Variants in RPLP0 observed in about 807,000 individuals in gnomAD.
RPLP0 encodes large ribosomal subunit protein uL10.
For synonymous variants in RPLP0, 137 were observed against 153.4 expected, an observed-to-expected ratio of 0.89 and a Z score of 0.79; for missense variants, 276 against 402.9, an observed-to-expected ratio of 0.69 and a Z score of 2.70.
intron 7 of RPLP0, 30 bp downstream of exon 7, chr12:120,197,292 C>A (rs375131464): frequency 1.2e-6 from 2 of 1,603,022 alleles, no homozygotes; most frequent in Non-Finnish European, 1.7e-6. Flanking sequence ...CACAGTCAGG[C>A]CCACTGTGGT....
chr12:120,198,530 G>C lies in RPLP0; in HGVS notation c.651+24C>G, dbSNP rs1451917685. On this transcript the variant is annotated intron_variant, in intron 6 of 7. Transcript: ENST00000392514. The surrounding 1 kb of genome is among the most constrained non-coding windows in gnomAD (Gnocchi z 4.1). ...CATGCTCTCAACCATCAGTGTAAGA[G>C]GGGGCAAGGCTGACAGCATATACCT... 6.2e-6 allele frequency: 10 copies of C among 1,613,866 alleles called. No individual in the cohort carries two copies. Among genetic ancestry groups the C allele is most frequent in the African/African-American group, 1.3e-5 (1 of 75,028 alleles).
chr12:120,197,590 A>G, intron 6 of RPLP0, 128 bp from the exon 7 acceptor site: 2 of 1,045,250 alleles, frequency 1.9e-6, no homozygotes, highest in Non-Finnish European at 2.8e-6. Context: ...AAGAGAGGCC[A>G]TTTCATCTCA....
intron 6 of RPLP0, 78 bp from the exon 7 acceptor site, chr12:120,197,540 C>T: frequency 6.6e-7 from 1 of 1,521,344 alleles, no homozygotes; most frequent in South Asian, 1.2e-5. Context: ...TAAAGAGAAC[C>T]CTTAGCAGAC....
At position 120,199,768 on chromosome 12, in the gene RPLP0, A is replaced by G. The variant is rs182473787; in HGVS notation, c.55-283T>C. 1.2e-4 allele frequency: 48 copies of G among 399,008 alleles called. No homozygotes were observed. The Admixed American group carries it at 1.9e-3, about 15-fold the overall frequency. 24.7% of individuals were successfully genotyped at this position (399,008 alleles called of 1,614,324 possible). ...TTACCAGGCATGCTTCTGATTCACT[A>G]AAATGGTTAACAGGATAAAAAAGGA... On this transcript the variant is annotated intron_variant, in intron 2 of 7. Coordinates refer to ENST00000392514, the MANE Select transcript of RPLP0 (RefSeq NM_001002.4).
intron 2 of RPLP0, 64 bp downstream of exon 2, chr12:120,200,666 A>C: frequency 1.3e-6 from 2 of 1,554,140 alleles, no homozygotes; most frequent in Non-Finnish European, 1.8e-6. Flanking sequence ...AGCACATAGC[A>C]GCTGACTGTC....
intron 7 of RPLP0, 71 bp downstream of exon 7, chr12:120,197,251 G>A (rs1594297476): frequency 2.2e-6 from 3 of 1,369,126 alleles, no homozygotes; most frequent in Admixed American, 1.7e-5. Flanking sequence ...AAAGCAGTAA[G>A]GTAGAAGGCC....
At position 120,198,772 on chromosome 12, in the gene RPLP0, T is replaced by G. The variant is rs769718181; in HGVS notation, c.466-33A>C. 6.2e-7 allele frequency: 1 copy of G among 1,611,320 alleles called. No homozygotes were observed. Among genetic ancestry groups the G allele is most frequent in the Admixed American group, 1.7e-5 (1 of 60,022 alleles). On this transcript the variant is annotated intron_variant, in intron 5 of 7. Transcript: ENST00000392514. This position sits in a 1 kb window ranked among gnomAD's most constrained non-coding sequence, Gnocchi z 4.1. ...AGATAATAGTGGGGCAGTAAACACC[T>G]GTTGGACAACCAGCAGATCCATGGC...
In RPLP0 at chr12:120,196,710, G is replaced by T. The variant is rs1454201222; in HGVS notation, c.*63C>A. The stretch of plus-strand genomic sequence containing the variant: ...ATTAAGAGTCCAGAGACTTTTTAAA[G>T]AAGTAAGCCTTTATTTCCTTGTTTT... On this transcript the variant is annotated 3_prime_UTR_variant, in exon 8 of 8. Coordinates refer to ENST00000392514, the MANE Select transcript of RPLP0 (RefSeq NM_001002.4). 1 of 1,503,888 alleles carries T rather than the reference G, an allele frequency of 6.6e-7. No individual in the cohort carries two copies. Among genetic ancestry groups the T allele is most frequent in the African/African-American group, 1.4e-5 (1 of 70,542 alleles). 93.2% of individuals were successfully genotyped at this position (1,503,888 alleles called of 1,614,324 possible).
At chr12:120,199,585 T>C (rs1594299515) in intron 2 of RPLP0, 100 bp from the exon 3 acceptor site, 1 of 1,261,448 alleles carries the variant, frequency 7.9e-7, no homozygotes, top group East Asian at 2.5e-5. Flanking sequence ...TCCCACTCCC[T>C]TTCTTCTAAG....
chr12:120,199,479 A>G lies in RPLP0; in HGVS notation c.61T>C (p.Leu21=), dbSNP rs1879316716. The change falls in exon 3 of 8, where the codon TTG becomes CTG. Residue 21 remains leucine (L), a synonymous_variant. Coordinates refer to ENST00000392514, the MANE Select transcript of RPLP0 (RefSeq NM_001002.4). ...ATGAAACATTTCGGATAATCATCCA[A>G]TAGTTGCTACAAAAAACAAGCCAGA... ...SNYFLKIIQL[L]DDYPKCFIVG... 1.9e-6 allele frequency: 3 copies of G among 1,613,810 alleles called. No homozygotes were observed. Among genetic ancestry groups the G allele is most frequent in the African/African-American group, 2.7e-5 (2 of 75,044 alleles).
Position 120,199,489 on chromosome 12 carries a change from C to CA in RPLP0, c.55-5dup, listed in dbSNP as rs755535207. Reference sequence around the variant, plus strand: ...TCGGATAATCATCCAATAGTTGCTACAAAAAACAAGCCAGAGGAGCCAAGT... The same window carrying CA: ...TCGGATAATCATCCAATAGTTGCTACAAAAAAACAAGCCAGAGGAGCCAAGT... On this transcript the variant is annotated splice_polypyrimidine_tract_variant and splice_region_variant and intron_variant, in intron 2 of 7. Coordinates refer to ENST00000392514, the MANE Select transcript of RPLP0 (RefSeq NM_001002.4). 2 of 1,611,314 alleles carry CA rather than the reference C, an allele frequency of 1.2e-6. No homozygotes were observed. Among genetic ancestry groups the CA allele is most frequent in the African/African-American group, 1.3e-5 (1 of 74,590 alleles).
Position 120,198,893 on chromosome 12 carries a change from A to G in RPLP0, c.426T>C (p.Gly142=). 1.9e-6 allele frequency: 3 copies of G among 1,614,022 alleles called. No individual in the cohort carries two copies. The highest frequency in any genetic ancestry group is 2.5e-6 in the Non-Finnish European group (3 of 1,179,926). The change falls in exon 5 of 8, where the codon GGT becomes GGC. Residue 142 remains glycine, a synonymous_variant. Coordinates refer to ENST00000392514, the MANE Select transcript of RPLP0 (RefSeq NM_001002.4). This position sits in a 1 kb window ranked among gnomAD's most constrained non-coding sequence, Gnocchi z 4.1. ...PEKTSFFQAL[G]ITTKISRGTI... is the part of the protein sequence containing the mutation. ...TGCCCCTGGAGATTTTAGTGGTGAT[A>G]CCTAAAGCCTGGAAAAAGGAGGTCT...
rs547849020 is a variant in RPLP0 at position 120,197,645 on chromosome 12, T to G, written c.652-183A>C. On this transcript the variant is annotated intron_variant, in intron 6 of 7. Transcript: ENST00000392514. ...AGCAATTCAGCCCCATCAAATAAATTTTGCCCTTATTCCAAATCCAGGTCT... is the reference window on the plus strand; with the variant it reads ...AGCAATTCAGCCCCATCAAATAAATGTTGCCCTTATTCCAAATCCAGGTCT... 50 of 673,562 alleles carry G rather than the reference T, an allele frequency of 7.4e-5. No homozygotes were observed. The African/African-American group carries it at 8.1e-4, about 11-fold the overall frequency. The allele number at this position is 673,562 out of a possible 1,614,324, so 41.7% of individuals were successfully genotyped here.
intron 7 of RPLP0, 142 bp from the exon 8 acceptor site, chr12:120,197,076 A>T: frequency 7.1e-7 from 1 of 1,404,146 alleles, no homozygotes; most frequent in Non-Finnish European, 9.8e-7. Flanking sequence ...CAAGCAGGAC[A>T]GCTTGGGTAT....
chr12:120,200,941 G>A (rs941743408), intron 1 of RPLP0, 110 bp from the exon 2 acceptor site: 1 of 1,335,722 alleles, frequency 7.5e-7, no homozygotes, highest in Non-Finnish European at 9.9e-7. Flanking sequence ...GCCTAGGGCA[G>A]CGGCCGTCAT....
intron 7 of RPLP0, 164 bp from the exon 8 acceptor site, chr12:120,197,098 G>T: frequency 8.0e-7 from 1 of 1,246,488 alleles, no homozygotes; most frequent in Non-Finnish European, 1.1e-6. Context: ...GCCTAGTGAG[G>T]CAGGGTTCCT....
Position 120,198,573 on chromosome 12 carries a change from A to T in RPLP0, c.632T>A (p.Leu211Gln), listed in dbSNP as rs1879277316. 2 of 1,614,028 alleles carry T rather than the reference A, an allele frequency of 1.2e-6. No individual in the cohort carries two copies. The highest frequency in any genetic ancestry group is 2.7e-5 in the African/African-American group (2 of 74,922). The stretch of plus-strand genomic sequence containing the variant: ...ATATACCTCCAGGAAGCGAGAATGC[A>T]GAGTTTCCTCTGTGATATCAAGCAC... ...PEVLDITEETLHSRFLEGVRN... is the reference protein window; with the variant it reads ...PEVLDITEETQHSRFLEGVRN... Residue 211 changes from leucine (L) to glutamine (Q), a missense_variant, in exon 6 of 8, where the codon CTG (leucine) becomes CAG (glutamine). By Grantham distance (113) the Leu-to-Gln change is moderately radical (BLOSUM62 -2). Transcript: ENST00000392514. The surrounding 1 kb of genome is among the most constrained non-coding windows in gnomAD (Gnocchi z 4.1).
intron 6 of RPLP0, 101 bp from the exon 7 acceptor site, chr12:120,197,563 G>T (rs1286829107): frequency 7.1e-7 from 1 of 1,403,566 alleles, no homozygotes; most frequent in African/African-American, 1.4e-5. Flanking sequence ...TAATTGCCAG[G>T]TTGGCAGCTC....
Position 120,196,913 on chromosome 12 carries a change from G to C in RPLP0, c.814C>G (p.Pro272Ala), listed in dbSNP as rs760998491. 6 of 1,613,294 alleles carry C rather than the reference G, an allele frequency of 3.7e-6. No homozygotes were observed. The highest frequency in any genetic ancestry group is 1.8e-4 in the Middle Eastern group (1 of 5,460). The stretch of plus-strand genomic sequence containing the variant: ...GGGGCAGCAGCCACAAAGGCAGATG[G>C]ATCAGCCAAGAAGGCCTTGACCTGA... The part of the protein sequence containing the change: ...AEKVKAFLAD[P>A]SAFVAAAPVA... The change falls in exon 8 of 8, where the codon CCA (proline) becomes GCA (alanine). Residue 272 changes from proline (P) to alanine (A), a missense_variant. By Grantham distance (27) the Pro-to-Ala change is conservative. Transcript: ENST00000392514.
Sources: allele counts gnomAD v4.1 joint callset, GRCh38; gene constraint gnomAD v4.1.1; non-coding constraint Gnocchi (gnomAD v3.1); transcripts MANE v1.5; gene names NCBI Gene and HGNC (gene_info 2026-07-23, HGNC 2026-07-21).